Variants in DCLK2 observed in about 807,000 individuals in gnomAD.
DCLK2 encodes serine/threonine-protein kinase DCLK2.
In DCLK2, 31 loss-of-function variants were observed where a neutral mutation model predicts 78.4. That is an observed-to-expected ratio of 0.40 (90% CI 0.30 to 0.53). The LOEUF (loss-of-function observed/expected upper bound fraction) is 0.53, where lower values mean the gene tolerates loss of function less well. Ranked by LOEUF, DCLK2 falls within the 20% of genes least tolerant of loss-of-function variation. The pLI is 0.61. For missense variants in DCLK2, 872 were observed against 973.7 expected (o/e 0.90, Z 1.39); for synonymous variants, 407 against 374.9 (o/e 1.09, Z -0.99).
At chr4:150,203,630 T>G (rs1400335169) in intron 4 of DCLK2, among the ~76,000 whole-genome samples, 165 bp from the exon 5 acceptor site, 2 of 145,376 alleles carry the variant, frequency 1.4e-5, no homozygotes, top group Non-Finnish European at 3.0e-5. Flanking sequence ...TGTAATGCAG[T>G]AAGATACATT....
chr4:150,180,537 T>C (rs1168740653), intron 2 of DCLK2, among the ~76,000 whole-genome samples: 1 of 152,214 alleles, frequency 6.6e-6, no homozygotes, highest in Non-Finnish European at 1.5e-5. Flanking sequence ...CACGTTCCAC[T>C]CTAGCTTCTT....
At chr4:150,192,589 C>G (rs752635013) in intron 2 of DCLK2, among the ~76,000 whole-genome samples, 1 of 151,852 alleles carries the variant, frequency 6.6e-6, no homozygotes, top group African/African-American at 2.4e-5. Flanking sequence ...TTCCCTTGAT[C>G]TTGATAATGC....
chr4:150,097,640 C>T (rs1363358663), intron 1 of DCLK2, among the ~76,000 whole-genome samples: 2 of 152,154 alleles, frequency 1.3e-5, no homozygotes, highest in African/African-American at 2.4e-5. Context: ...TTTGAATGGA[C>T]ATCAAAGGTA....
chr4:150,202,321 A>G (rs1739517970), intron 4 of DCLK2, among the ~76,000 whole-genome samples: 1 of 152,206 alleles, frequency 6.6e-6, no homozygotes, highest in Non-Finnish European at 1.5e-5. Flanking sequence ...CTTGTATTCT[A>G]AGTACCCACA....
Position 150,256,017 on chromosome 4 carries a change from C to T in DCLK2, c.2074-3C>T. 6.2e-7 allele frequency: 1 copy of T among 1,612,670 alleles called. No individual in the cohort carries two copies. The highest frequency in any genetic ancestry group is 8.5e-7 in the Non-Finnish European group (1 of 1,179,682). On this transcript the variant is annotated splice_polypyrimidine_tract_variant and splice_region_variant and intron_variant, in intron 15 of 15. Coordinates refer to ENST00000296550, the MANE Select transcript of DCLK2 (RefSeq NM_001040260.4). ...TGTGTTGTCTCTGCTGTTTCCTCCT[C>T]AGAACACGGCTCTAGATAAGGAGGG...
intron 2 of DCLK2, among the ~76,000 whole-genome samples, chr4:150,186,096 G>T (rs1737909172): frequency 2.6e-5 from 4 of 152,116 alleles, no homozygotes; most frequent in Admixed American, 2.6e-4. Context: ...TATTCCTGAT[G>T]AGCTTCTGGA....
At chr4:150,167,800 G>A (rs1210836024) in intron 2 of DCLK2, among the ~76,000 whole-genome samples, 3 of 152,334 alleles carry the variant, frequency 2.0e-5, no homozygotes, top group Middle Eastern at 3.4e-3. Context: ...GAAGCTGGGC[G>A]AGTGGGCTCA....
chr4:150,196,966 C>A (rs578245423), intron 3 of DCLK2, among the ~76,000 whole-genome samples: 27 of 152,182 alleles, frequency 1.8e-4, no homozygotes, highest in South Asian at 1.0e-3. Flanking sequence ...CCAGCCTGGT[C>A]AACATGGTGA....
intron 2 of DCLK2, among the ~76,000 whole-genome samples, chr4:150,151,185 A>T (rs1389625185): frequency 1.3e-5 from 2 of 152,216 alleles, no homozygotes; most frequent in African/African-American, 4.8e-5. Context: ...TCCCTCCCAC[A>T]TCACATCCCA....
At chr4:150,170,085 C>T (rs1736400672) in intron 2 of DCLK2, among the ~76,000 whole-genome samples, 1 of 152,198 alleles carries the variant, frequency 6.6e-6, no homozygotes. Context: ...CAGAGTCTCA[C>T]TCTGACACCC....
chr4:150,133,630 A>C (rs189125276), intron 2 of DCLK2, among the ~76,000 whole-genome samples: 3 of 152,374 alleles, frequency 2.0e-5, no homozygotes, highest in East Asian at 1.9e-4. Context: ...GGATGGAAAA[A>C]GTTCCTGTGT....
intron 5 of DCLK2, among the ~76,000 whole-genome samples, chr4:150,214,953 CA>C (rs60156550): frequency 0.072 from 6,257 of 86,470 alleles, 260 homozygotes; most frequent in African/African-American, 0.18. Context: ...CAGAGTGTCT[CA>C]AAAAAAAAAA....
At chr4:150,158,168 TC>T (rs1326769444) in intron 2 of DCLK2, among the ~76,000 whole-genome samples, 1 of 152,154 alleles carries the variant, frequency 6.6e-6, no homozygotes, top group African/African-American at 2.4e-5. Flanking sequence ...CGGAGGCACC[TC>T]CCCCTTTTGG....
At chr4:150,100,020 C>G (rs1255774014) in intron 1 of DCLK2, among the ~76,000 whole-genome samples, 1 of 152,138 alleles carries the variant, frequency 6.6e-6, no homozygotes, top group Non-Finnish European at 1.5e-5. Flanking sequence ...TCAAGTGATC[C>G]TCCTGTCTCA....
intron 3 of DCLK2, 117 bp downstream of exon 3, chr4:150,193,357 A>G: frequency 1.8e-6 from 1 of 544,036 alleles, no homozygotes; most frequent in Non-Finnish European, 3.3e-6. Flanking sequence ...GAGGAAAGAT[A>G]GCATTGGCAG....
chr4:150,161,908 T>G (rs1217210650), intron 2 of DCLK2, among the ~76,000 whole-genome samples: 1 of 152,194 alleles, frequency 6.6e-6, no homozygotes, highest in Non-Finnish European at 1.5e-5. Context: ...TCTTGTAACC[T>G]TACTGCTAGG....
intron 2 of DCLK2, among the ~76,000 whole-genome samples, chr4:150,180,739 C>T (rs1057340961): frequency 6.6e-6 from 1 of 152,158 alleles, no homozygotes; most frequent in Non-Finnish European, 1.5e-5. Context: ...CTTTCTCCCC[C>T]AGGCAGGCCA....
At chr4:150,147,169 A>G in intron 2 of DCLK2, among the ~76,000 whole-genome samples, 1 of 152,132 alleles carries the variant, frequency 6.6e-6, no homozygotes, top group Non-Finnish European at 1.5e-5. Flanking sequence ...GCATGGTGCC[A>G]TGCCTATAGT....
intron 2 of DCLK2, among the ~76,000 whole-genome samples, chr4:150,176,942 A>C (rs1737133748): frequency 6.6e-6 from 1 of 152,038 alleles, no homozygotes; most frequent in African/African-American, 2.4e-5. Context: ...AGAGATTTGC[A>C]AAAAAGAAAT....
Sources: gnomAD v4.1 joint callset for allele counts (sites outside exome capture counted in the v4.1 genomes callset) on GRCh38, gnomAD v4.1.1 for gene constraint, MANE v1.5 for transcripts, NCBI Gene and HGNC (gene_info 2026-07-23, HGNC 2026-07-21) for gene names.